Variants in SP2 observed in about 807,000 individuals in gnomAD.
SP2 encodes the protein Sp2 transcription factor, also known as transcription factor Sp2.
Under a neutral mutation model 50.1 loss-of-function variants are expected in SP2, and 9 were observed. That is an observed-to-expected ratio of 0.18 (90% CI 0.11 to 0.31). The LOEUF (loss-of-function observed/expected upper bound fraction) is 0.31. SP2 is among the 10% of genes least tolerant of loss of function. SP2 has a pLI of 1.00. For missense variants in SP2, 581 were observed against 806.5 expected (o/e 0.72, Z 3.39); for synonymous variants, 313 against 326.6 (o/e 0.96, Z 0.45).
chr17:47,922,468 T>C (rs1271466172), intron 3 of SP2, among the ~76,000 whole-genome samples: 1 of 152,150 alleles, frequency 6.6e-6, no homozygotes, highest in Non-Finnish European at 1.5e-5. Flanking sequence ...TGGAGAAAAG[T>C]TGTTTTTCAT....
chr17:47,922,591 T>C (rs1362393396), intron 3 of SP2, among the ~76,000 whole-genome samples: 1 of 151,988 alleles, frequency 6.6e-6, no homozygotes, highest in African/African-American at 2.4e-5. Flanking sequence ...AATCATAGCT[T>C]ATGAAAACCT....
chr17:47,905,187 A>G (rs1022291603), intron 1 of SP2, among the ~76,000 whole-genome samples: 1 of 152,104 alleles, frequency 6.6e-6, no homozygotes, highest in African/African-American at 2.4e-5. Flanking sequence ...CTCATACCCC[A>G]TTTGTGAGCT....
chr17:47,901,064 A>T (rs1169887894), intron 1 of SP2, among the ~76,000 whole-genome samples: 1 of 152,116 alleles, frequency 6.6e-6, no homozygotes, highest in Non-Finnish European at 1.5e-5. Context: ...CAGGATGCAA[A>T]CTAGCAAATG....
At chr17:47,896,482 C>T in intron 1 of SP2, 189 bp downstream of exon 1, 1 of 453,894 alleles carries the variant, frequency 2.2e-6, no homozygotes, top group Non-Finnish European at 3.6e-6. Flanking sequence ...GCTGGCCAGC[C>T]GGGCGGAGGC....
At chr17:47,918,051 T>C (rs775952099) in intron 3 of SP2, among the ~76,000 whole-genome samples, 1 of 152,024 alleles carries the variant, frequency 6.6e-6, no homozygotes, top group Non-Finnish European at 1.5e-5. Flanking sequence ...CCCCACACTC[T>C]TCCATCTTCC....
chr17:47,901,016 T>TC, intron 1 of SP2, among the ~76,000 whole-genome samples: 1 of 152,240 alleles, frequency 6.6e-6, no homozygotes. Context: ...CCCACACACT[T>TC]CCAGAGTCCC....
intron 1 of SP2, 98 bp from the exon 2 acceptor site, chr17:47,915,214 C>CAAAAA: frequency 1.4e-6 from 1 of 715,750 alleles, no homozygotes; most frequent in Non-Finnish European, 2.2e-6. Flanking sequence ...AATTCCGTCT[C>CAAAAA]AAAAAAAAAA....
intron 1 of SP2, among the ~76,000 whole-genome samples, chr17:47,913,670 A>G (rs1047601630): frequency 6.6e-6 from 1 of 152,106 alleles, no homozygotes; most frequent in Non-Finnish European, 1.5e-5. Context: ...GGCTTCCCAA[A>G]GTGTTAGGAT....
At chr17:47,902,775 G>T (rs2034592379) in intron 1 of SP2, among the ~76,000 whole-genome samples, 1 of 152,176 alleles carries the variant, frequency 6.6e-6, no homozygotes, top group Non-Finnish European at 1.5e-5. Flanking sequence ...TGTTTTTTGA[G>T]ATGTTGTTTT....
chr17:47,920,423 A>G (rs567509258), intron 3 of SP2, among the ~76,000 whole-genome samples: 2 of 152,128 alleles, frequency 1.3e-5, no homozygotes, highest in African/African-American at 4.8e-5. Context: ...ACTAGCTGAG[A>G]CTACAGGCGA....
chr17:47,897,880 A>G (rs984240571), intron 1 of SP2: 2 of 985,030 alleles, frequency 2.0e-6, no homozygotes, highest in Non-Finnish European at 2.4e-6. Context: ...GGCTTCTAAC[A>G]GGCGTTAATA....
intron 2 of SP2, among the ~76,000 whole-genome samples, chr17:47,915,867 C>G (rs912152572): frequency 6.6e-6 from 1 of 152,146 alleles, no homozygotes; most frequent in Non-Finnish European, 1.5e-5. Flanking sequence ...GAAACAAGGC[C>G]AGCGGAGAGT....
rs750803663 is a variant in SP2 at position 47,917,116 on chromosome 17, C to G, written c.1045C>G (p.Pro349Ala). ...SQNFQIQAAE[P>A]TPTQVYIRTP... ...GAACTTTCAGATCCAGGCAGCTGAG[C>G]CGACACCTACTCAGGTACCACACTC... Residue 349 changes from proline to alanine, a missense_variant, in exon 3 of 7, where the codon CCG (proline) becomes GCG (alanine). Physicochemically the swap from Pro to Ala is conservative, Grantham distance 27. This residue lies in a region of SP2 where 397 missense variants were observed against 491.0 expected (regional missense o/e 0.81). Coordinates refer to ENST00000376741, the MANE Select transcript of SP2 (RefSeq NM_003110.6). 9 of 1,609,032 alleles carry G rather than the reference C, an allele frequency of 5.6e-6. No individual in the cohort carries two copies. Among genetic ancestry groups the G allele is most frequent in the Non-Finnish European group, 6.8e-6 (8 of 1,177,630 alleles).
At position 47,923,057 on chromosome 17, in the gene SP2, C is replaced by T; in HGVS notation, c.1155C>T (p.Ser385=). The T allele has an allele frequency of 6.2e-7, 1 of 1,614,210 alleles. No homozygotes were observed. The highest frequency in any genetic ancestry group is 2.2e-5 in the East Asian group (1 of 44,890). The change falls in exon 4 of 7, where the codon AGC becomes AGT. Residue 385 remains serine (S), a synonymous_variant. Coordinates refer to ENST00000376741, the MANE Select transcript of SP2 (RefSeq NM_003110.6). The part of the protein sequence containing the change: ...TAAATSNTTC[S]SPASRAPHLS... Reference sequence around the variant, plus strand: ...CAGCCACCTCTAACACCACCTGTAGCAGCCCTGCATCCCGTGCTCCCCATC... The same window carrying T: ...CAGCCACCTCTAACACCACCTGTAGTAGCCCTGCATCCCGTGCTCCCCATC...
chr17:47,900,576 A>T (rs2034499829), intron 1 of SP2, among the ~76,000 whole-genome samples: 1 of 152,246 alleles, frequency 6.6e-6, no homozygotes, highest in South Asian at 2.1e-4. Flanking sequence ...CAGGAGTTCG[A>T]GACCAGCCTG....
intron 3 of SP2, among the ~76,000 whole-genome samples, chr17:47,922,559 C>T (rs1326649796): frequency 6.6e-6 from 1 of 150,974 alleles, no homozygotes; most frequent in African/African-American, 2.4e-5. Context: ...TGCTCTGTCA[C>T]CCAGGCTAAG....
Position 47,923,192 on chromosome 17 carries a change from G to A in SP2, c.1290G>A (p.Ala430=), listed in dbSNP as rs747241419. The A allele has an allele frequency of 1.9e-5, 31 of 1,613,776 alleles. No homozygotes were observed. The highest frequency in any genetic ancestry group is 3.3e-5 in the Admixed American group (2 of 60,012). Residue 430 remains alanine, a synonymous_variant, in exon 4 of 7, where the codon GCG becomes GCA. Coordinates refer to ENST00000376741, the MANE Select transcript of SP2 (RefSeq NM_003110.6). The part of the protein sequence containing the change: ...SIISLNAAQL[A]AAAQAMQTIN... ...TCAGCCTGAATGCAGCCCAGTTGGC[G>A]GCAGCTGCCCAGGCAATGCAGACCA...
chr17:47,902,462 G>C (rs2034581377), intron 1 of SP2, among the ~76,000 whole-genome samples: 1 of 152,168 alleles, frequency 6.6e-6, no homozygotes, highest in Non-Finnish European at 1.5e-5. Context: ...ATGGGGTCAA[G>C]GTCAGAAGCA....
intron 3 of SP2, among the ~76,000 whole-genome samples, chr17:47,918,754 G>A (rs1430087773): frequency 6.6e-6 from 1 of 152,130 alleles, no homozygotes; most frequent in East Asian, 1.9e-4. Context: ...TCAAGGACAC[G>A]TACATTTTTA....
Sources: gnomAD v4.1 joint callset for allele counts (sites outside exome capture counted in the v4.1 genomes callset) on GRCh38, gnomAD v4.1.1 for gene constraint, gnomAD v4.1.1 regional missense constraint, MANE v1.5 for transcripts, NCBI Gene and HGNC (gene_info 2026-07-23, HGNC 2026-07-21) for gene names.